Variants in ZNF254 observed in about 807,000 individuals in gnomAD.
The protein encoded by ZNF254 is zinc finger protein 254, also known as CTD-2017D11.1.
A neutral mutation model predicts 12.4 loss-of-function variants in ZNF254; 10 were observed. The observed-to-expected ratio is 0.80, with a 90% CI of 0.50 to 1.36. ZNF254 has a LOEUF of 1.36. Among genes scored for constraint, ZNF254 ranks in the 40% most tolerant of loss-of-function variants. ZNF254 has a pLI of 0.00. For missense variants in ZNF254, 996 were observed against 763.9 expected (o/e 1.30, Z -3.58); for synonymous variants, 305 against 253.4 (o/e 1.20, Z -1.93).
chr19:24,085,763 C>T (rs1405289065), upstream of ZNF254, among the ~76,000 whole-genome samples: 2 of 151,072 alleles, frequency 1.3e-5, no homozygotes, highest in Non-Finnish European at 2.9e-5. Flanking sequence ...AAGAGCAAGC[C>T]TCTCCTGGAA....
intron 2 of ZNF254, among the ~76,000 whole-genome samples, chr19:24,058,270 A>G (rs1214864716): frequency 6.6e-6 from 1 of 152,190 alleles, no homozygotes. Flanking sequence ...CCACAGATGG[A>G]ATCGTGACAT....
At chr19:24,117,209 C>G (rs1288533121) in intron 3 of ZNF254, among the ~76,000 whole-genome samples, 1 of 152,102 alleles carries the variant, frequency 6.6e-6, no homozygotes, top group Non-Finnish European at 1.5e-5. Context: ...GTTGGGAGAA[C>G]CACTGCTCTC....
intron 1 of ZNF254, among the ~76,000 whole-genome samples, chr19:24,041,183 C>T (rs1181390793): frequency 6.6e-6 from 1 of 152,248 alleles, no homozygotes; most frequent in Non-Finnish European, 1.5e-5. Context: ...TTGCTCTCGG[C>T]ACCTCCCCTG....
chr19:24,106,228 T>A, intron 2 of ZNF254, 162 bp downstream of exon 2: 2 of 992,452 alleles, frequency 2.0e-6, no homozygotes, highest in Non-Finnish European at 2.8e-6. Flanking sequence ...CATCTTGACC[T>A]GAACTTTCCA....
chr19:24,120,939 G>A (rs1032364551), intron 3 of ZNF254, among the ~76,000 whole-genome samples: 1 of 151,920 alleles, frequency 6.6e-6, no homozygotes, highest in African/African-American at 2.4e-5. Context: ...AACTCTCGCT[G>A]TATTATTCAG....
intron 2 of ZNF254, among the ~76,000 whole-genome samples, chr19:24,067,701 C>T (rs894593021): frequency 2.2e-4 from 33 of 151,824 alleles, no homozygotes; most frequent in African/African-American, 7.2e-4. Flanking sequence ...ACGACCCTTC[C>T]TCTACTGCTT....
chr19:24,079,344 A>G (rs1340417072), intron 2 of ZNF254: 3 of 152,144 alleles, frequency 2.0e-5, no homozygotes, highest in Non-Finnish European at 4.4e-5. Context: ...TGAAAGTTCT[A>G]TTGAGAACCA....
intron 2 of ZNF254, among the ~76,000 whole-genome samples, chr19:24,062,824 G>C (rs1299915188): frequency 1.3e-5 from 2 of 152,100 alleles, no homozygotes; most frequent in African/African-American, 2.4e-5. Context: ...TTTTGAGATG[G>C]AGTTTTGCTC....
chr19:24,127,998 A>G lies in ZNF254; in HGVS notation c.*18A>G. 1.3e-6 allele frequency: 2 copies of G among 1,520,512 alleles called. No homozygotes were observed. Among genetic ancestry groups the G allele is most frequent in the African/African-American group, 1.4e-5 (1 of 71,950 alleles). The allele number at this position is 1,520,512 out of a possible 1,614,324, so 94.2% of individuals were successfully genotyped here. Reference sequence around the variant, plus strand: ...AAGTATGAATAATGTGCCAAAGCCTAAGAAAACCCTCAATTCTTAATAGAT... The same window carrying G: ...AAGTATGAATAATGTGCCAAAGCCTGAGAAAACCCTCAATTCTTAATAGAT... On this transcript the variant is annotated 3_prime_UTR_variant, in exon 4 of 4. Transcript: ENST00000357002.
chr19:24,118,035 A>G (rs576329991), intron 3 of ZNF254, among the ~76,000 whole-genome samples: 1 of 151,296 alleles, frequency 6.6e-6, no homozygotes, highest in South Asian at 2.1e-4. Context: ...AACGATGCAC[A>G]TGGGTTTCTT....
At chr19:24,102,430 TA>T (rs950711700) in intron 1 of ZNF254, among the ~76,000 whole-genome samples, 40 of 144,868 alleles carry the variant, frequency 2.8e-4, no homozygotes, top group African/African-American at 5.6e-4. Flanking sequence ...AAAAGAAACA[TA>T]AAAAAAAAAT....
intron 2 of ZNF254, among the ~76,000 whole-genome samples, chr19:24,061,426 A>G (rs958743500): frequency 6.6e-6 from 1 of 152,184 alleles, no homozygotes; most frequent in East Asian, 1.9e-4. Flanking sequence ...TCCATTACAT[A>G]AAAGATGTGA....
At chr19:24,107,094 T>C in intron 3 of ZNF254, 1 of 465,330 alleles carries the variant, frequency 2.1e-6, no homozygotes, top group Non-Finnish European at 3.7e-6. Context: ...CATCCTGTTT[T>C]CATTACTGTA....
intron 2 of ZNF254, among the ~76,000 whole-genome samples, chr19:24,056,549 G>T (rs767175440): frequency 3.9e-4 from 59 of 152,172 alleles, no homozygotes; most frequent in South Asian, 6.2e-4. Context: ...CATATTGCTG[G>T]GCCCAGCAAC....
intron 1 of ZNF254, among the ~76,000 whole-genome samples, chr19:24,041,928 A>G (rs1970182460): frequency 6.7e-6 from 1 of 148,794 alleles, no homozygotes; most frequent in African/African-American, 2.5e-5. Context: ...GAGTCTTTAT[A>G]TCTAGCTCAG....
intron 2 of ZNF254, among the ~76,000 whole-genome samples, chr19:24,081,850 C>T (rs1280334315): frequency 1.3e-5 from 2 of 152,182 alleles, no homozygotes; most frequent in South Asian, 2.1e-4. Flanking sequence ...CCGATGGGTA[C>T]AGTATCTCAC....
chr19:24,062,230 G>A (rs573994956), intron 2 of ZNF254, among the ~76,000 whole-genome samples: 22 of 152,256 alleles, frequency 1.4e-4, no homozygotes, highest in African/African-American at 4.6e-4. Flanking sequence ...ATAGGACCCA[G>A]CAAACAGGTT....
upstream of ZNF254, among the ~76,000 whole-genome samples, chr19:24,082,566 C>T (rs1205817696): frequency 1.6e-5 from 2 of 125,090 alleles, no homozygotes; most frequent in Non-Finnish European, 1.6e-5. Context: ...AGAAGAATCT[C>T]TTGAACCTGG....
intron 1 of ZNF254, among the ~76,000 whole-genome samples, chr19:24,038,845 A>G (rs1231916362): frequency 6.6e-6 from 1 of 152,216 alleles, no homozygotes; most frequent in Non-Finnish European, 1.5e-5. Context: ...CTGTCTTTCT[A>G]TCCCCCTGGC....
Sources: gnomAD v4.1 joint callset for allele counts (sites outside exome capture counted in the v4.1 genomes callset) on GRCh38, gnomAD v4.1.1 for gene constraint, MANE v1.5 for transcripts, NCBI Gene and HGNC (gene_info 2026-07-23, HGNC 2026-07-21) for gene names.